SLC36A1: variants seen among roughly 807,000 people sequenced by gnomAD.
SLC36A1 encodes solute carrier family 36 member 1.
Under a neutral mutation model 47.5 loss-of-function variants are expected in SLC36A1, and 30 were observed. The observed-to-expected ratio is 0.63, with a 90% CI of 0.47 to 0.86. The LOEUF (loss-of-function observed/expected upper bound fraction) is 0.86. Ranked by LOEUF, SLC36A1 falls within the 40% of genes least tolerant of loss-of-function variation. The pLI is 0.00. For synonymous variants in SLC36A1, 255 were observed against 249.7 expected, an observed-to-expected ratio of 1.02 and a Z score of -0.20; for missense variants, 517 against 606.0, an observed-to-expected ratio of 0.85 and a Z score of 1.54.
chr5:151,485,112 T>G (rs191775080), intron 10 of SLC36A1, among the ~76,000 whole-genome samples: 73 of 152,250 alleles, frequency 4.8e-4, no homozygotes, highest in African/African-American at 1.7e-3. Context: ...TTCTCCATAT[T>G]CAACCCTCAA....
the SLC36A1 span, chr5:151,512,025 C>T: frequency 1.4e-6 from 1 of 723,670 alleles, no homozygotes; most frequent in Non-Finnish European, 2.3e-6. This position sits in a 1 kb window ranked among gnomAD's most constrained non-coding sequence, Gnocchi z 4.1. Context: ...TTGCAGATTC[C>T]AACCTGTTAC....
chr5:151,380,353 G>A, the SLC36A1 span: 3 of 289,586 alleles, frequency 1.0e-5, no homozygotes, highest in African/African-American at 2.2e-5. Context: ...CCAGGAGACC[G>A]GCCACAGTTG....
At chr5:151,537,939 T>C in the SLC36A1 span, 5 of 1,613,666 alleles carry the variant, frequency 3.1e-6, no homozygotes, top group Non-Finnish European at 2.5e-6. Flanking sequence ...CTTGCCAGTA[T>C]AGAGAAGCTA....
At chr5:151,400,694 T>G in the SLC36A1 span, among the ~76,000 whole-genome samples, 1 of 152,152 alleles carries the variant, frequency 6.6e-6, no homozygotes, top group African/African-American at 2.4e-5. Context: ...TGTTTTGTTT[T>G]TTTACTTTTT....
chr5:151,457,973 C>A (rs1259404912), intron 1 of SLC36A1, among the ~76,000 whole-genome samples: 1 of 151,856 alleles, frequency 6.6e-6, no homozygotes. Flanking sequence ...CTCAGCCTCC[C>A]GAGTAGCTGG....
the SLC36A1 span, among the ~76,000 whole-genome samples, chr5:151,363,687 A>T: frequency 1.3e-5 from 2 of 152,200 alleles, no homozygotes; most frequent in East Asian, 3.8e-4. Flanking sequence ...TATATTAAAC[A>T]ATTCAACTTT....
chr5:151,523,301 TTAAC>T, the SLC36A1 span, among the ~76,000 whole-genome samples: 4 of 152,166 alleles, frequency 2.6e-5, no homozygotes, highest in Non-Finnish European at 2.9e-5. Flanking sequence ...ATAGCTAACA[TTAAC>T]TGAGTACAAT....
At chr5:151,512,313 G>A in the SLC36A1 span, 54 of 1,614,064 alleles carry the variant, frequency 3.3e-5, no homozygotes, top group Non-Finnish European at 4.1e-5. This position sits in a 1 kb window ranked among gnomAD's most constrained non-coding sequence, Gnocchi z 4.1. Flanking sequence ...GAGCCTCTTC[G>A]TTGACCACGA....
chr5:151,378,023 A>C, the SLC36A1 span: 11 of 245,358 alleles, frequency 4.5e-5, no homozygotes, highest in Non-Finnish European at 1.7e-5. Flanking sequence ...GGCTTAAGAT[A>C]ACTGGAAATG....
chr5:151,550,461 A>C, the SLC36A1 span: 3 of 1,079,812 alleles, frequency 2.8e-6, no homozygotes, highest in Non-Finnish European at 4.0e-6. Flanking sequence ...CCAGCTGTGA[A>C]ATGTCACAAC....
chr5:151,480,137 T>G (rs1318268463), intron 10 of SLC36A1: 8 of 1,426,830 alleles, frequency 5.6e-6, no homozygotes, highest in African/African-American at 1.5e-5. Flanking sequence ...AAGTAAATTT[T>G]TTTTGTAGCT....
chr5:151,393,578 G>A, the SLC36A1 span, among the ~76,000 whole-genome samples: 2 of 152,146 alleles, frequency 1.3e-5, no homozygotes, highest in African/African-American at 2.4e-5. Context: ...TCCTTCAGGA[G>A]CTCTTTTAGG....
At chr5:151,386,679 A>G in the SLC36A1 span, among the ~76,000 whole-genome samples, 1 of 152,052 alleles carries the variant, frequency 6.6e-6, no homozygotes, top group Non-Finnish European at 1.5e-5. Flanking sequence ...CTCTCCATAG[A>G]ATTTGCGTCT....
the SLC36A1 span, chr5:151,549,349 C>T: frequency 1.2e-6 from 2 of 1,613,924 alleles, no homozygotes; most frequent in Admixed American, 1.7e-5. Context: ...GCATCCATGG[C>T]TCGGACCTGC....
At chr5:151,507,544 C>A in the SLC36A1 span, 18 of 1,614,028 alleles carry the variant, frequency 1.1e-5, no homozygotes, top group East Asian at 3.1e-4. Flanking sequence ...TGCCCCCAGT[C>A]CCCCCTTTGG....
chr5:151,393,369 G>A, the SLC36A1 span, among the ~76,000 whole-genome samples: 3 of 152,150 alleles, frequency 2.0e-5, no homozygotes, highest in African/African-American at 7.2e-5. Context: ...TTGCCAGTCT[G>A]TGTCTTTTAA....
the SLC36A1 span, chr5:151,543,484 G>A: frequency 6.2e-7 from 1 of 1,614,156 alleles, no homozygotes; most frequent in Non-Finnish European, 8.5e-7. Flanking sequence ...TCTCTCTGTT[G>A]AATTTTCCCG....
At chr5:151,395,971 G>T in the SLC36A1 span, among the ~76,000 whole-genome samples, 1 of 151,692 alleles carries the variant, frequency 6.6e-6, no homozygotes, top group Non-Finnish European at 1.5e-5. Flanking sequence ...CAACATGGCT[G>T]GTTAATTTTT....
chr5:151,370,435 ATGT>A, the SLC36A1 span, among the ~76,000 whole-genome samples: 2 of 151,088 alleles, frequency 1.3e-5, no homozygotes, highest in African/African-American at 4.9e-5. Context: ...GGCTCCATTC[ATGT>A]TGTTAGATTT....
Sources: gnomAD v4.1 joint callset for allele counts (sites outside exome capture counted in the v4.1 genomes callset) on GRCh38, gnomAD v4.1.1 for gene constraint, Gnocchi (gnomAD v3.1) non-coding constraint, MANE v1.5 for transcripts, NCBI Gene and HGNC (gene_info 2026-07-23, HGNC 2026-07-21) for gene names.